The following NSF variants were observed in gnomAD, a reference collection of about 807,000 sequenced individuals.
The protein encoded by NSF is vesicle-fusing ATPase.
In NSF, 14 loss-of-function variants were observed where a neutral mutation model predicts 50.3. The ratio of observed to expected loss-of-function variants is 0.28; its 90% CI spans 0.18 to 0.44. The LOEUF (loss-of-function observed/expected upper bound fraction) is 0.44, where lower values mean the gene tolerates loss of function less well. NSF is among the 20% of genes least tolerant of loss of function. The probability of loss-of-function intolerance (pLI) is 1.00; values close to 1 mark genes in which losing one functional copy is unlikely to be tolerated. For missense variants in NSF, 218 were observed against 504.3 expected, an observed-to-expected ratio of 0.43 and a Z score of 5.44; for synonymous variants, 109 against 175.7, an observed-to-expected ratio of 0.62 and a Z score of 3.00.
At chr17:46,752,747 T>A (rs1178940477) in intron 19 of NSF, among the ~76,000 whole-genome samples, 1 of 152,088 alleles carries the variant, frequency 6.6e-6, no homozygotes, top group Non-Finnish European at 1.5e-5. Flanking sequence ...TGCACCACTA[T>A]GCCTGGCCCT....
chr17:46,646,531 AAAAAGAAG>A (rs1159724113), intron 8 of NSF, among the ~76,000 whole-genome samples: 1 of 2,914 alleles, frequency 3.4e-4, no homozygotes, highest in African/African-American at 7.7e-4. Context: ...AAAAAAAAAA[AAAAAGAAG>A]AAGATAATGT....
chr17:46,752,393 C>A (rs2059189867), intron 19 of NSF, among the ~76,000 whole-genome samples: 1 of 152,146 alleles, frequency 6.6e-6, no homozygotes, highest in African/African-American at 2.4e-5. Flanking sequence ...TTGGCTCTTA[C>A]TATTGAGTCC....
chr17:46,755,750 G>GT (rs2059227535), intron 20 of NSF, 52 bp from the exon 21 acceptor site: 8 of 1,106,588 alleles, frequency 7.2e-6, no homozygotes, highest in South Asian at 1.4e-5. Flanking sequence ...TTGATGAATA[G>GT]TTTTTTACGG....
intron 17 of NSF, among the ~76,000 whole-genome samples, chr17:46,747,749 A>T (rs541045904): frequency 6.6e-6 from 1 of 152,334 alleles, no homozygotes; most frequent in African/African-American, 2.4e-5. Context: ...AAAAACTAAG[A>T]GTAAATAAGA....
intron 17 of NSF, among the ~76,000 whole-genome samples, chr17:46,739,732 A>AT (rs200703694): frequency 0.012 from 1,814 of 147,192 alleles, 43 homozygotes; most frequent in African/African-American, 0.043. Flanking sequence ...TTTTTTTCTG[A>AT]TTTTTTTTTT....
In NSF at chr17:46,751,519, A is replaced by G. The variant is rs375174991; in HGVS notation, c.2060A>G (p.Lys687Arg). 36 of 1,613,864 alleles carry G rather than the reference A, an allele frequency of 2.2e-5. No homozygotes were observed. The highest frequency in any genetic ancestry group is 3.0e-5 in the Non-Finnish European group (35 of 1,179,882). ...LEALELLGNF[K>R]DKERTTIAQQ... Reference sequence around the variant, plus strand: ...TTTTTGTAGCTTTTGGGCAACTTCAAGGATAAGGAACGCACCACAATTGCA... The same window carrying G: ...TTTTTGTAGCTTTTGGGCAACTTCAGGGATAAGGAACGCACCACAATTGCA... The change falls in exon 19 of 21, where the codon AAG becomes AGG. Residue 687 changes from lysine (K) to arginine (R), a missense_variant. By Grantham distance (26) the Lys-to-Arg change is conservative. Around this residue, in one of 2 missense-constraint regions of NSF, gnomAD observed 209 missense variants for 320.9 expected, o/e 0.65. Transcript: ENST00000398238.
chr17:46,730,899 A>C (rs2058942053), intron 17 of NSF, among the ~76,000 whole-genome samples: 1 of 152,204 alleles, frequency 6.6e-6, no homozygotes, highest in Non-Finnish European at 1.5e-5. Context: ...CTATCATCAA[A>C]AAGTCAGGTA....
At chr17:46,754,149 C>CTTTT (rs71363599) in intron 19 of NSF, among the ~76,000 whole-genome samples, 4 of 134,018 alleles carry the variant, frequency 3.0e-5, no homozygotes, top group East Asian at 2.1e-4. Flanking sequence ...CCAGCCAGTT[C>CTTTT]TTTTTTTTTT....
chr17:46,725,663 A>C (rs1266988904), intron 15 of NSF, among the ~76,000 whole-genome samples: 1 of 152,120 alleles, frequency 6.6e-6, no homozygotes, highest in Non-Finnish European at 1.5e-5. Context: ...AAAGATACCC[A>C]GGAAGGAATA....
At chr17:46,730,227 C>T (rs1342594655) in intron 17 of NSF, among the ~76,000 whole-genome samples, 1 of 152,092 alleles carries the variant, frequency 6.6e-6, no homozygotes, top group Non-Finnish European at 1.5e-5. Context: ...CACAAAAAAA[C>T]TTTATGTCAG....
At chr17:46,748,954 CTG>C (rs1408529105) in intron 17 of NSF, among the ~76,000 whole-genome samples, 2 of 152,172 alleles carry the variant, frequency 1.3e-5, no homozygotes, top group African/African-American at 2.4e-5. Context: ...TAACTAAAGA[CTG>C]TGAAATAACT....
At position 46,755,309 on chromosome 17, in the gene NSF, T is replaced by G. The variant is rs2059221922; in HGVS notation, c.2158-5T>G. The G allele has an allele frequency of 6.2e-7, 1 of 1,612,046 alleles. No individual in the cohort carries two copies. The highest frequency in any genetic ancestry group is 8.5e-7 in the Non-Finnish European group (1 of 1,178,038). ...ACCCATCTTCATTTCTTCTGATGTA[T>G]TTAGATGGATCCTGAATACCGTGTG... is the stretch of plus-strand genomic sequence containing the variant. On this transcript the variant is annotated splice_region_variant and splice_polypyrimidine_tract_variant and intron_variant, in intron 19 of 20. Coordinates refer to ENST00000398238, the MANE Select transcript of NSF (RefSeq NM_006178.4).
chr17:46,708,804 T>TTTTA (rs1555674082), intron 13 of NSF, among the ~76,000 whole-genome samples: 6 of 64,390 alleles, frequency 9.3e-5, no homozygotes, highest in South Asian at 7.3e-4. Context: ...ACCATTTATT[T>TTTTA]TATATATATA....
chr17:46,742,539 G>A (rs1488664211), intron 17 of NSF, among the ~76,000 whole-genome samples: 1 of 152,170 alleles, frequency 6.6e-6, no homozygotes, highest in African/African-American at 2.4e-5. Context: ...TGTAAAAGGC[G>A]ATCCAAACTG....
intron 20 of NSF, 82 bp downstream of exon 20, chr17:46,755,451 C>G: frequency 8.6e-7 from 1 of 1,165,856 alleles, no homozygotes; most frequent in Non-Finnish European, 1.3e-6. Flanking sequence ...GAGTTGCTTT[C>G]CTAGATAAGT....
intron 15 of NSF, among the ~76,000 whole-genome samples, chr17:46,722,963 G>A (rs1375091327): frequency 2.6e-5 from 4 of 152,102 alleles, no homozygotes; most frequent in African/African-American, 7.2e-5. Flanking sequence ...AAACAAGAAC[G>A]TCACTACTTG....
At chr17:46,738,419 T>G (rs2059032903) in intron 17 of NSF, among the ~76,000 whole-genome samples, 1 of 152,186 alleles carries the variant, frequency 6.6e-6, no homozygotes. Context: ...TATTATACTT[T>G]AGCCTTTTTT....
chr17:46,679,746 T>G (rs552155526), intron 9 of NSF, among the ~76,000 whole-genome samples: 1 of 150,714 alleles, frequency 6.6e-6, no homozygotes, highest in East Asian at 1.9e-4. Context: ...CAAATGTGCA[T>G]GTGAAAGTTG....
At chr17:46,685,185 T>G (rs1263567592) in intron 9 of NSF, among the ~76,000 whole-genome samples, 1 of 146,988 alleles carries the variant, frequency 6.8e-6, no homozygotes, top group Non-Finnish European at 1.5e-5. Flanking sequence ...GGAGAAGCAT[T>G]TTATAACATC....
Sources: allele counts gnomAD v4.1 joint callset (sites outside exome capture counted in the v4.1 genomes callset), GRCh38; gene constraint gnomAD v4.1.1; regional missense constraint gnomAD v4.1.1; transcripts MANE v1.5; gene names NCBI Gene and HGNC (gene_info 2026-07-23, HGNC 2026-07-21).